Variants in ROR1 observed in about 807,000 individuals in gnomAD.
The protein encoded by ROR1 is ROR family WNT receptor 1.
In ROR1, 19 loss-of-function variants were observed where a neutral mutation model predicts 78.8. The observed-to-expected ratio is 0.24, with a 90% confidence interval of 0.17 to 0.35. ROR1 has a LOEUF of 0.35. Ranked by LOEUF, ROR1 falls within the 10% of genes least tolerant of loss-of-function variation. The pLI, the probability that ROR1 is intolerant of heterozygous loss-of-function variation, is 1.00. For synonymous variants in ROR1, 386 were observed against 433.6 expected, an observed-to-expected ratio of 0.89 and a Z score of 1.36; for missense variants, 917 against 1,177.8, an observed-to-expected ratio of 0.78 and a Z score of 3.24.
intron 2 of ROR1, among the ~76,000 whole-genome samples, chr1:64,017,103 C>T (rs895289330): frequency 2.6e-5 from 4 of 151,922 alleles, no homozygotes; most frequent in African/African-American, 9.7e-5. Context: ...GACGGGGTCT[C>T]ACCATGTTTC....
At chr1:64,156,026 A>C (rs1649760257) in intron 7 of ROR1, among the ~76,000 whole-genome samples, 1 of 152,194 alleles carries the variant, frequency 6.6e-6, no homozygotes, top group South Asian at 2.1e-4. Context: ...TCCATTGAAT[A>C]AATGAGGAAA....
chr1:63,797,719 G>A (rs1050470138), intron 1 of ROR1, among the ~76,000 whole-genome samples: 3 of 152,138 alleles, frequency 2.0e-5, no homozygotes, highest in African/African-American at 7.2e-5. Flanking sequence ...CTTTAAAAAG[G>A]ATTCAGCATA....
chr1:63,928,835 G>C (rs1645728632), intron 1 of ROR1, among the ~76,000 whole-genome samples: 1 of 152,000 alleles, frequency 6.6e-6, no homozygotes, highest in Non-Finnish European at 1.5e-5. Context: ...GTGAGTCCTT[G>C]GGATAACCCT....
chr1:64,125,278 A>G (rs1648672839), intron 4 of ROR1, among the ~76,000 whole-genome samples: 1 of 152,188 alleles, frequency 6.6e-6, no homozygotes, highest in Non-Finnish European at 1.5e-5. Context: ...TAATTGCTTC[A>G]CTCAAAGCCT....
At chr1:63,938,002 C>T (rs139392042) in intron 1 of ROR1, among the ~76,000 whole-genome samples, 2,783 of 152,262 alleles carry the variant, frequency 0.018, 57 homozygotes, top group Non-Finnish European at 0.023. Flanking sequence ...CAAATCCTGG[C>T]TCCCTCTTCT....
chr1:64,002,651 G>A (rs1646394577), intron 1 of ROR1, among the ~76,000 whole-genome samples: 1 of 152,074 alleles, frequency 6.6e-6, no homozygotes, highest in African/African-American at 2.4e-5. Flanking sequence ...AGAACTGCAT[G>A]TGGTCTATAG....
intron 1 of ROR1, among the ~76,000 whole-genome samples, chr1:63,796,779 G>A (rs897966493): frequency 6.6e-6 from 1 of 152,156 alleles, no homozygotes; most frequent in Non-Finnish European, 1.5e-5. Context: ...AGGAGAGGAG[G>A]AGTTGCAGAG....
intron 8 of ROR1, among the ~76,000 whole-genome samples, chr1:64,164,579 A>G (rs946070038): frequency 6.6e-6 from 1 of 152,216 alleles, no homozygotes; most frequent in African/African-American, 2.4e-5. Flanking sequence ...TATTGTTATA[A>G]CTGATGAGTA....
intron 1 of ROR1, among the ~76,000 whole-genome samples, chr1:63,907,653 T>G (rs1645539564): frequency 6.6e-6 from 1 of 152,198 alleles, no homozygotes; most frequent in Non-Finnish European, 1.5e-5. Context: ...ATTAGTTCAC[T>G]GGAAGAATAG....
At chr1:63,943,501 G>A (rs1445079697) in intron 1 of ROR1, among the ~76,000 whole-genome samples, 1 of 152,194 alleles carries the variant, frequency 6.6e-6, no homozygotes, top group Non-Finnish European at 1.5e-5. Context: ...TCCCTCACCA[G>A]TGTGGTCTCC....
chr1:63,838,016 A>G (rs762925030), intron 1 of ROR1, among the ~76,000 whole-genome samples: 1 of 152,148 alleles, frequency 6.6e-6, no homozygotes, highest in Non-Finnish European at 1.5e-5. Flanking sequence ...ATGTTGTAGT[A>G]CAGTGTATTA....
chr1:64,132,781 A>G (rs1358191479), intron 4 of ROR1, among the ~76,000 whole-genome samples: 43 of 145,208 alleles, frequency 3.0e-4, no homozygotes, highest in African/African-American at 1.0e-3. Context: ...AAAAAAAAAA[A>G]AAAGAGAGAG....
At chr1:63,870,170 T>A (rs1645242655) in intron 1 of ROR1, among the ~76,000 whole-genome samples, 2 of 152,182 alleles carry the variant, frequency 1.3e-5, no homozygotes, top group Admixed American at 1.3e-4. Flanking sequence ...ATACTGAAGA[T>A]ACCATTGGGT....
chr1:64,132,731 G>A (rs1232589296), intron 4 of ROR1, among the ~76,000 whole-genome samples: 1 of 123,914 alleles, frequency 8.1e-6, no homozygotes, highest in African/African-American at 3.0e-5. Flanking sequence ...CTGCACTCCA[G>A]CCTGCGCAAT....
At position 64,042,414 on chromosome 1, in the gene ROR1, C is replaced by T. The variant is rs192705283; in HGVS notation, c.164-7277C>T. Among the ~76,000 whole-genome samples the T allele has an allele frequency of 6.6e-5, 10 of 152,264 alleles. No homozygotes were observed. In the East Asian group the frequency reaches 1.7e-3, roughly 26 times the overall value. On this transcript the variant is annotated intron_variant, in intron 2 of 8. Coordinates refer to ENST00000371079, the MANE Select transcript of ROR1 (RefSeq NM_005012.4). ...GAGGCTTAGAGAGGTTAAATCACAGCAAGTAAAAGGTGATGCTCAGATATG... is the reference window on the plus strand; with the variant it reads ...GAGGCTTAGAGAGGTTAAATCACAGTAAGTAAAAGGTGATGCTCAGATATG...
At chr1:63,965,913 A>G (rs1458803416) in intron 1 of ROR1, among the ~76,000 whole-genome samples, 1 of 152,254 alleles carries the variant, frequency 6.6e-6, no homozygotes, top group Non-Finnish European at 1.5e-5. Context: ...TGGCTCCTCT[A>G]TTCACTAACT....
intron 4 of ROR1, among the ~76,000 whole-genome samples, chr1:64,056,461 G>A (rs551650257): frequency 6.8e-4 from 104 of 152,052 alleles, no homozygotes; most frequent in Non-Finnish European, 1.3e-3. Flanking sequence ...GATCACCTGA[G>A]ATCTGGAGTT....
At chr1:63,845,923 T>C (rs952497172) in intron 1 of ROR1, among the ~76,000 whole-genome samples, 5 of 152,158 alleles carry the variant, frequency 3.3e-5, no homozygotes, top group African/African-American at 4.8e-5. Flanking sequence ...CCTGAACTTA[T>C]GTTTTTATAC....
rs58105318 is a variant in ROR1 at position 64,067,444 on chromosome 1, C to CAAAAAAAAAAAAAAAAAA, written c.482+16735_482+16752dup. On this transcript the variant is annotated intron_variant, in intron 4 of 8. Transcript: ENST00000371079. The stretch of plus-strand genomic sequence containing the variant: ...TGGGCGACAGAGCGAGCCTCCGTCT[C>CAAAAAAAAAAAAAAAAAA]AAAAAAAAAAAAAAAAAAAAAAAAG... Among the ~76,000 whole-genome samples the CAAAAAAAAAAAAAAAAAA allele has an allele frequency of 3.5e-5, 2 of 57,476 alleles. 1 individual carries two copies. The highest frequency in any genetic ancestry group is 6.7e-5 in the Non-Finnish European group (2 of 30,020). The allele number at this position is 57,476 out of a possible 152,430, so 37.7% of individuals were successfully genotyped here.
Sources: allele counts gnomAD v4.1 joint callset (sites outside exome capture counted in the v4.1 genomes callset), GRCh38; gene constraint gnomAD v4.1.1; transcripts MANE v1.5; gene names NCBI Gene and HGNC (gene_info 2026-07-23, HGNC 2026-07-21).